Variants in NAALADL2 observed in about 807,000 individuals in gnomAD.
NAALADL2 encodes the protein N-acetylated alpha-linked acidic dipeptidase like 2, also known as inactive N-acetylated-alpha-linked acidic dipeptidase-like protein 2.
NAALADL2 carries 76 observed loss-of-function variants against 87.2 expected under a neutral mutation model. The ratio of observed to expected loss-of-function variants is 0.87; its 90% CI spans 0.72 to 1.05. The LOEUF (loss-of-function observed/expected upper bound fraction) is 1.05. Among genes scored for constraint, NAALADL2 ranks in the 50% least tolerant of loss-of-function variants. The pLI is 0.00. For missense variants in NAALADL2, 1,089 were observed against 945.8 expected, an observed-to-expected ratio of 1.15 and a Z score of -1.99; for synonymous variants, 354 against 331.0, an observed-to-expected ratio of 1.07 and a Z score of -0.75.
At chr3:174,630,479 C>G (rs911406572) in intron 2 of NAALADL2, among the ~76,000 whole-genome samples, 2 of 151,942 alleles carry the variant, frequency 1.3e-5, no homozygotes, top group African/African-American at 4.8e-5. Flanking sequence ...CTTACTTTTC[C>G]TGGTATTTTC....
intron 2 of NAALADL2, among the ~76,000 whole-genome samples, chr3:174,620,417 A>G (rs901292313): frequency 6.6e-6 from 1 of 151,816 alleles, no homozygotes; most frequent in African/African-American, 2.4e-5. Flanking sequence ...AACTACTTTC[A>G]GTTTATGTGT....
intron 3 of NAALADL2, among the ~76,000 whole-genome samples, chr3:174,760,954 G>A (rs189396454): frequency 1.2e-3 from 181 of 152,268 alleles, no homozygotes; most frequent in African/African-American, 4.3e-3. Flanking sequence ...AACCTAGTAT[G>A]TGATCTTTTA....
chr3:175,731,023 C>A (rs1344929710), intron 11 of NAALADL2, among the ~76,000 whole-genome samples: 1 of 151,978 alleles, frequency 6.6e-6, no homozygotes, highest in Non-Finnish European at 1.5e-5. Context: ...TTTTTCTTCA[C>A]CAGGAAACAC....
At chr3:175,386,851 C>T (rs1006875945) in intron 5 of NAALADL2, among the ~76,000 whole-genome samples, 1 of 152,006 alleles carries the variant, frequency 6.6e-6, no homozygotes, top group African/African-American at 2.4e-5. Context: ...TCCCAGTGCT[C>T]GTGTTCAGGC....
rs1724036481 is a variant in NAALADL2 at position 175,110,684 on chromosome 3, G to A, written c.545+13393G>A. Among the ~76,000 whole-genome samples the A allele has an allele frequency of 2.0e-5, 3 of 151,764 alleles. No homozygotes were observed. The South Asian group carries it at 6.2e-4, about 31-fold the overall frequency. On this transcript the variant is annotated intron_variant, in intron 2 of 13. Coordinates refer to ENST00000454872, the MANE Select transcript of NAALADL2 (RefSeq NM_207015.3). Reference sequence around the variant, plus strand: ...ATTATTTTTCTGTTTGGGAATCAGAGCAAATTGAATAACAAAGAGTACTGA... The same window carrying A: ...ATTATTTTTCTGTTTGGGAATCAGAACAAATTGAATAACAAAGAGTACTGA...
At chr3:174,882,751 ACGTG>A (rs1250019709) in intron 1 of NAALADL2, among the ~76,000 whole-genome samples, 13 of 140,050 alleles carry the variant, frequency 9.3e-5, no homozygotes, top group Non-Finnish European at 2.1e-4. Flanking sequence ...GTATATACAC[ACGTG>A]TATATATACA....
rs186259664 is a variant in NAALADL2 at position 175,732,676 on chromosome 3, A to G, written c.1897-4630A>G. 2.4e-3 allele frequency among the ~76,000 whole-genome samples: 364 copies of G among 152,238 alleles called. 1 individual carries two copies. The highest frequency in any genetic ancestry group is 8.4e-3 in the African/African-American group (347 of 41,532). ...GGGAGGGTGCGGGGTAAGCAAGGGC[A>G]GGGAGACCTTGAGGCTCTTTCTTTA... On this transcript the variant is annotated intron_variant, in intron 11 of 13. Transcript: ENST00000454872.
intron 13 of NAALADL2, among the ~76,000 whole-genome samples, chr3:175,758,285 G>T (rs79966362): frequency 0.018 from 2,718 of 152,002 alleles, 85 homozygotes; most frequent in African/African-American, 0.062. Context: ...AGGACTGAAA[G>T]TTTCTGGTTC....
chr3:175,427,685 C>T (rs1450830694), intron 5 of NAALADL2, among the ~76,000 whole-genome samples: 4 of 152,080 alleles, frequency 2.6e-5, no homozygotes, highest in South Asian at 2.1e-4. Flanking sequence ...AAAAATATTA[C>T]ATTTCTTGTT....
chr3:174,584,874 T>C (rs1716538403), intron 2 of NAALADL2, among the ~76,000 whole-genome samples: 1 of 152,180 alleles, frequency 6.6e-6, no homozygotes, highest in African/African-American at 2.4e-5. Flanking sequence ...GAATGCACTC[T>C]CTTGATCAAC....
At chr3:175,424,512 G>A (rs564388553) in intron 5 of NAALADL2, among the ~76,000 whole-genome samples, 265 of 152,270 alleles carry the variant, frequency 1.7e-3, no homozygotes, top group African/African-American at 6.1e-3. Flanking sequence ...TTATTAAATA[G>A]AGAATCCTTT....
At chr3:174,787,595 A>ATGTATACATATATATATATATATATATG (rs1716878889) in intron 3 of NAALADL2, among the ~76,000 whole-genome samples, 2 of 73,726 alleles carry the variant, frequency 2.7e-5, no homozygotes, top group African/African-American at 9.2e-5. Flanking sequence ...ATATATATAT[A>ATGTATACATATATATATATATATATATG]TATATATATA....
intron 1 of NAALADL2, among the ~76,000 whole-genome samples, chr3:175,005,739 A>AT (rs1306933596): frequency 6.6e-6 from 1 of 152,172 alleles, no homozygotes; most frequent in South Asian, 2.1e-4. Context: ...TTTGGAAAAT[A>AT]TTTTTTAAAA....
intron 9 of NAALADL2, among the ~76,000 whole-genome samples, chr3:175,503,063 T>C (rs994103179): frequency 3.3e-5 from 5 of 152,086 alleles, no homozygotes; most frequent in Non-Finnish European, 7.4e-5. Flanking sequence ...AGGTGGTTTT[T>C]CAGTCCTCAC....
Position 175,803,189 on chromosome 3 carries a change from G to A in NAALADL2, c.2374G>A (p.Asp792Asn), listed in dbSNP as rs764315319. ...AGLDVFKSVL[D>N]GKN ...ACTTGATGTGTTCAAGAGTGTCTTG[G>A]ATGGGAAGAATTGAGAAAACTCTGA... The change falls in exon 14 of 14, where the codon GAT becomes AAT. Residue 792 changes from aspartate to asparagine, a missense_variant. Physicochemically the swap from Asp to Asn is conservative, Grantham distance 23. Transcript: ENST00000454872. 1.9e-6 allele frequency: 3 copies of A among 1,600,906 alleles called. No homozygotes were observed. The highest frequency in any genetic ancestry group is 2.7e-5 in the African/African-American group (2 of 74,498).
At chr3:175,144,229 C>T (rs1227306000) in intron 2 of NAALADL2, among the ~76,000 whole-genome samples, 3 of 151,776 alleles carry the variant, frequency 2.0e-5, no homozygotes, top group Non-Finnish European at 4.4e-5. Flanking sequence ...TTCTAAATTC[C>T]GGCTTCATGG....
chr3:175,283,161 T>TATC (rs1275825758), intron 4 of NAALADL2, among the ~76,000 whole-genome samples: 1 of 152,114 alleles, frequency 6.6e-6, no homozygotes, highest in Non-Finnish European at 1.5e-5. Flanking sequence ...ATATACTCAA[T>TATC]ATCTATGTGC....
intron 1 of NAALADL2, among the ~76,000 whole-genome samples, chr3:175,094,133 A>T (rs1344218970): frequency 6.6e-6 from 1 of 151,814 alleles, no homozygotes; most frequent in East Asian, 1.9e-4. Context: ...TTTAAAAAAA[A>T]ACCTTTAGAG....
intron 2 of NAALADL2, among the ~76,000 whole-genome samples, chr3:175,217,879 G>A (rs182465772): frequency 1.5e-4 from 23 of 152,300 alleles, no homozygotes; most frequent in Non-Finnish European, 2.5e-4. Context: ...ACATCTAGAT[G>A]CATTGGCTGA....
Sources: gnomAD v4.1 joint callset for allele counts (sites outside exome capture counted in the v4.1 genomes callset) on GRCh38, gnomAD v4.1.1 for gene constraint, MANE v1.5 for transcripts, NCBI Gene and HGNC (gene_info 2026-07-23, HGNC 2026-07-21) for gene names.